Variants in EYS observed in about 807,000 individuals in gnomAD.
EYS encodes EGF-like photoreceptor maintenance factor.
EYS carries 250 observed loss-of-function variants against 282.1 expected under a neutral mutation model. The ratio of observed to expected loss-of-function variants is 0.89; its 90% CI spans 0.80 to 0.98. The LOEUF (loss-of-function observed/expected upper bound fraction) is 0.98, where lower values mean the gene tolerates loss of function less well. EYS is among the 50% of genes least tolerant of loss of function. The pLI is 0.00. For synonymous variants in EYS, 1,355 were observed against 1,282.9 expected, an observed-to-expected ratio of 1.06 and a Z score of -1.20; for missense variants, 4,016 against 3,709.0, an observed-to-expected ratio of 1.08 and a Z score of -2.15.
In EYS at chr6:64,439,265, A is replaced by C; in HGVS notation, c.5732T>G (p.Phe1911Cys). Residue 1911 changes from phenylalanine to cysteine, a missense_variant, in exon 27 of 43, where the codon TTT becomes TGT. Phe to Cys is a radical substitution (Grantham distance 205). Coordinates refer to ENST00000503581, the MANE Select transcript of EYS (RefSeq NM_001142800.2). ...LNPQNNISLE[F>C]QTFSSYGLLL... ...AAGTCCATAGGAGCTGAAGGTCTGAAATTCTAGGGAGATGTTATTTTGTGG... is the reference window on the plus strand; with the variant it reads ...AAGTCCATAGGAGCTGAAGGTCTGACATTCTAGGGAGATGTTATTTTGTGG... 1 of 1,517,446 alleles carries C rather than the reference A, an allele frequency of 6.6e-7. No homozygotes were observed. Among genetic ancestry groups the C allele is most frequent in the Non-Finnish European group, 8.8e-7 (1 of 1,132,514 alleles). 94.0% of individuals were successfully genotyped at this position (1,517,446 alleles called of 1,614,324 possible).
intron 34 of EYS, among the ~76,000 whole-genome samples, chr6:63,987,253 TGAAGCTGGCA>T (rs1345532367): frequency 6.6e-6 from 1 of 151,692 alleles, no homozygotes; most frequent in African/African-American, 2.4e-5. Context: ...TAGCTGTAGA[TGAAGCTGGCA>T]TTTCATGTCA....
chr6:64,824,252 G>T (rs371776372), intron 19 of EYS, among the ~76,000 whole-genome samples: 3 of 151,818 alleles, frequency 2.0e-5, no homozygotes, highest in Non-Finnish European at 2.9e-5. Context: ...CAAGTTATAC[G>T]ACTAAGTCCA....
chr6:64,766,649 A>AAAATATATATATATATAT (rs1387919586), intron 22 of EYS, among the ~76,000 whole-genome samples: 11 of 19,058 alleles, frequency 5.8e-4, no homozygotes, highest in South Asian at 2.2e-3. Flanking sequence ...AAAAAAAAAA[A>AAAATATATATATATATAT]ATATATATAT....
At chr6:63,925,769 G>A (rs957817287) in intron 35 of EYS, among the ~76,000 whole-genome samples, 1 of 152,144 alleles carries the variant, frequency 6.6e-6, no homozygotes, top group East Asian at 1.9e-4. Context: ...TCAGCCTCCC[G>A]AGTAGTTGGG....
intron 29 of EYS, among the ~76,000 whole-genome samples, chr6:64,328,492 C>T (rs1050203022): frequency 5.9e-5 from 9 of 152,096 alleles, no homozygotes; most frequent in Non-Finnish European, 1.3e-4. Flanking sequence ...GATGAAAGTC[C>T]CAGTGAATTT....
At chr6:64,667,452 G>T (rs1769272509) in intron 22 of EYS, among the ~76,000 whole-genome samples, 1 of 151,476 alleles carries the variant, frequency 6.6e-6, no homozygotes, top group Middle Eastern at 3.2e-3. Flanking sequence ...ATCTTGGATG[G>T]ATTGCTGGGA....
intron 19 of EYS, among the ~76,000 whole-genome samples, chr6:64,885,184 C>T (rs1045669412): frequency 1.3e-5 from 2 of 151,614 alleles, no homozygotes; most frequent in African/African-American, 2.4e-5. Flanking sequence ...TTAAGGATAA[C>T]AATTAATTGA....
chr6:64,392,304 C>T (rs1298085354), intron 28 of EYS, among the ~76,000 whole-genome samples: 1 of 149,056 alleles, frequency 6.7e-6, no homozygotes, highest in African/African-American at 2.5e-5. Context: ...ACTCTCCACC[C>T]CAAATCAACA....
chr6:64,989,394 A>AATACATATATATATATAT (rs1554224809), intron 14 of EYS, among the ~76,000 whole-genome samples: 1 of 69,722 alleles, frequency 1.4e-5, no homozygotes, highest in Admixed American at 1.4e-4. Flanking sequence ...GGCTAGCTGT[A>AATACATATATATATATAT]ATATATATAT....
intron 22 of EYS, among the ~76,000 whole-genome samples, chr6:64,683,817 A>G (rs1278193637): frequency 1.3e-5 from 2 of 152,188 alleles, no homozygotes; most frequent in Non-Finnish European, 2.9e-5. Context: ...GGAAAATTCC[A>G]CTAGGGTTGG....
chr6:65,288,157 C>T (rs954713121), intron 12 of EYS, among the ~76,000 whole-genome samples: 3 of 150,962 alleles, frequency 2.0e-5, no homozygotes. Context: ...CTTTCTATTT[C>T]CTGTTTTTCA....
At chr6:64,461,511 T>A (rs1274582472) in intron 26 of EYS, among the ~76,000 whole-genome samples, 4 of 152,220 alleles carry the variant, frequency 2.6e-5, no homozygotes, top group Admixed American at 2.6e-4. Flanking sequence ...GGTAACAGTC[T>A]GGTGGTGGCA....
At chr6:65,063,082 T>C (rs1773626811) in intron 12 of EYS, among the ~76,000 whole-genome samples, 2 of 151,964 alleles carry the variant, frequency 1.3e-5, no homozygotes, top group Non-Finnish European at 2.9e-5. Context: ...AGTCCATTAT[T>C]AGTATATGAA....
chr6:65,629,069 TCA>T (rs1321920082), intron 2 of EYS, among the ~76,000 whole-genome samples: 1 of 152,230 alleles, frequency 6.6e-6, no homozygotes, highest in African/African-American at 2.4e-5. Flanking sequence ...TGTATGACTA[TCA>T]CACTCACTGT....
intron 33 of EYS, among the ~76,000 whole-genome samples, chr6:64,037,765 C>T (rs1280732047): frequency 2.0e-5 from 3 of 152,152 alleles, no homozygotes; most frequent in African/African-American, 7.2e-5. Flanking sequence ...TGATTTTTCA[C>T]CTCCTCCTAA....
At chr6:65,177,987 C>T (rs1765270123) in intron 12 of EYS, among the ~76,000 whole-genome samples, 1 of 151,930 alleles carries the variant, frequency 6.6e-6, no homozygotes, top group Non-Finnish European at 1.5e-5. Flanking sequence ...TTTTGTGGGG[C>T]ACTAAGGAGT....
chr6:64,861,993 G>A lies in EYS; in HGVS notation c.2992+24704C>T, dbSNP rs927307778. Among the ~76,000 whole-genome samples, 26 of 152,040 alleles carry A rather than the reference G, an allele frequency of 1.7e-4. 1 individual carries two copies. The highest frequency in any genetic ancestry group is 1.5e-3 in the Admixed American group (23 of 15,274). On this transcript the variant is annotated intron_variant, in intron 19 of 42. Transcript: ENST00000503581. ...ACATTGTTTGCAAAATAGTTTACTG[G>A]TGACAAATTATCTGCTTTATTATTT... is the stretch of plus-strand genomic sequence containing the variant.
intron 28 of EYS, among the ~76,000 whole-genome samples, chr6:64,402,812 T>C (rs1161985333): frequency 2.0e-5 from 3 of 152,334 alleles, no homozygotes; most frequent in Non-Finnish European, 2.9e-5. Context: ...ACCGTGTAAA[T>C]AGACCTTCTT....
At chr6:63,915,874 A>G (rs574929679) in intron 35 of EYS, among the ~76,000 whole-genome samples, 3 of 152,328 alleles carry the variant, frequency 2.0e-5, no homozygotes, top group Non-Finnish European at 4.4e-5. Flanking sequence ...AATGAATGTG[A>G]AGTTGCTTCT....
Sources: gnomAD v4.1 joint callset for allele counts (sites outside exome capture counted in the v4.1 genomes callset) on GRCh38, gnomAD v4.1.1 for gene constraint, MANE v1.5 for transcripts, NCBI Gene and HGNC (gene_info 2026-07-23, HGNC 2026-07-21) for gene names.